The following KLF12 variants were observed in gnomAD, a reference collection of about 807,000 sequenced individuals.
KLF12 encodes KLF transcription factor 12, also known as Krueppel-like factor 12.
KLF12 carries 9 observed loss-of-function variants against 37.8 expected under a neutral mutation model. That is an observed-to-expected ratio of 0.24 (90% CI 0.14 to 0.42). The LOEUF (loss-of-function observed/expected upper bound fraction) is 0.42. Among genes scored for constraint, KLF12 ranks in the 10% least tolerant of loss-of-function variants. KLF12 has a pLI of 1.00. For missense variants in KLF12, 411 were observed against 516.0 expected (o/e 0.80, Z 1.97); for synonymous variants, 208 against 202.1 (o/e 1.03, Z -0.25).
chr13:74,191,895 G>A, the KLF12 span, among the ~76,000 whole-genome samples: 5 of 152,050 alleles, frequency 3.3e-5, no homozygotes, highest in Non-Finnish European at 2.9e-5. Context: ...AAAACAGAAT[G>A]ATTTAAATTC....
chr13:74,008,093 G>A (rs1021911055), intron 1 of KLF12, among the ~76,000 whole-genome samples: 2 of 152,148 alleles, frequency 1.3e-5, no homozygotes, highest in African/African-American at 4.8e-5. Flanking sequence ...TATCTGGGTG[G>A]TAGTTACATG....
chr13:74,277,743 ACT>A, the KLF12 span, among the ~76,000 whole-genome samples: 1 of 151,898 alleles, frequency 6.6e-6, no homozygotes, highest in Non-Finnish European at 1.5e-5. Flanking sequence ...AGGGCACAAA[ACT>A]CTCTCTCTCA....
chr13:73,735,128 TAAAAAAA>T (rs34423201), intron 6 of KLF12, among the ~76,000 whole-genome samples: 1 of 93,640 alleles, frequency 1.1e-5, no homozygotes, highest in African/African-American at 3.9e-5. Context: ...CCTCTACTAT[TAAAAAAA>T]AAAAAAAAAA....
the KLF12 span, among the ~76,000 whole-genome samples, chr13:74,283,442 A>G: frequency 2.0e-5 from 3 of 152,226 alleles, no homozygotes; most frequent in Admixed American, 6.5e-5. Context: ...GGAATAACCC[A>G]AGAGTTTCAT....
intron 5 of KLF12, among the ~76,000 whole-genome samples, chr13:73,774,473 G>C (rs1464471992): frequency 6.6e-6 from 1 of 152,096 alleles, no homozygotes; most frequent in African/African-American, 2.4e-5. Flanking sequence ...CAGAATGTCA[G>C]GGCAGATCCA....
chr13:74,107,926 C>T (rs571138654), intron 1 of KLF12, among the ~76,000 whole-genome samples: 49 of 152,234 alleles, frequency 3.2e-4, no homozygotes, highest in African/African-American at 1.0e-3. Flanking sequence ...TCTTGAGGTA[C>T]GACATTAGAC....
At chr13:74,172,899 T>C in the KLF12 span, among the ~76,000 whole-genome samples, 1 of 152,212 alleles carries the variant, frequency 6.6e-6, no homozygotes, top group East Asian at 1.9e-4. Flanking sequence ...AACATCTAAA[T>C]ATATACCCTT....
intron 1 of KLF12, among the ~76,000 whole-genome samples, chr13:74,064,373 G>T (rs1873785375): frequency 6.6e-6 from 1 of 151,134 alleles, no homozygotes; most frequent in Non-Finnish European, 1.5e-5. Context: ...CTACAGGCAT[G>T]AACAGTGTCT....
intron 6 of KLF12, among the ~76,000 whole-genome samples, chr13:73,719,270 C>T (rs567898248): frequency 1.3e-5 from 2 of 152,162 alleles, no homozygotes; most frequent in Admixed American, 1.3e-4. Flanking sequence ...GTTGGGATCC[C>T]CAGCATATAT....
chr13:74,070,223 G>C (rs1477394045), intron 1 of KLF12, among the ~76,000 whole-genome samples: 3 of 152,208 alleles, frequency 2.0e-5, no homozygotes, highest in African/African-American at 7.2e-5. Context: ...TGAGAGCCAA[G>C]AGAAGAAAAT....
chr13:74,283,229 A>G, the KLF12 span, among the ~76,000 whole-genome samples: 61 of 152,304 alleles, frequency 4.0e-4, no homozygotes, highest in Admixed American at 1.9e-3. Context: ...TTCAGACTAT[A>G]TTGTTTTAAT....
At chr13:73,715,277 G>A (rs1875711998) in intron 7 of KLF12, 91 bp downstream of exon 7, 2 of 1,084,074 alleles carry the variant, frequency 1.8e-6, no homozygotes, top group East Asian at 4.9e-5. Flanking sequence ...AGGTACACAG[G>A]ATGAATGAGT....
chr13:74,044,327 G>A (rs1032788574), intron 1 of KLF12, among the ~76,000 whole-genome samples: 20 of 151,980 alleles, frequency 1.3e-4, no homozygotes, highest in African/African-American at 1.9e-4. Flanking sequence ...AACACACCCC[G>A]CACCCAGATC....
chr13:74,180,812 C>T, the KLF12 span, among the ~76,000 whole-genome samples: 3,653 of 152,098 alleles, frequency 0.024, 150 homozygotes, highest in African/African-American at 0.081. Context: ...AATTATGCTT[C>T]CTGAGCTAAT....
chr13:73,944,467 A>T (rs1380255236), intron 2 of KLF12, among the ~76,000 whole-genome samples: 1 of 152,240 alleles, frequency 6.6e-6, no homozygotes, highest in Non-Finnish European at 1.5e-5. Flanking sequence ...CATAAAGGAG[A>T]AAATCACATA....
chr13:74,218,477 C>T, the KLF12 span, among the ~76,000 whole-genome samples: 9 of 152,284 alleles, frequency 5.9e-5, no homozygotes, highest in African/African-American at 2.2e-4. Context: ...GACATACTAA[C>T]TGCCCCCGCT....
intron 1 of KLF12, among the ~76,000 whole-genome samples, chr13:74,092,634 CAAAAAACAA>C (rs1424978441): frequency 6.8e-6 from 1 of 147,704 alleles, no homozygotes; most frequent in East Asian, 2.0e-4. Context: ...AACAAAAAAA[CAAAAAACAA>C]AAAAAAGAAA....
the KLF12 span, among the ~76,000 whole-genome samples, chr13:74,254,531 C>T: frequency 6.6e-6 from 1 of 152,188 alleles, no homozygotes; most frequent in Non-Finnish European, 1.5e-5. Context: ...GAAATCTACA[C>T]AGAAATATAG....
At chr13:74,100,852 C>A (rs1005236789) in intron 1 of KLF12, among the ~76,000 whole-genome samples, 1 of 152,022 alleles carries the variant, frequency 6.6e-6, no homozygotes, top group African/African-American at 2.4e-5. Flanking sequence ...AATCAAAGTC[C>A]GACCTTCCCT....
Sources: allele counts gnomAD v4.1 joint callset (sites outside exome capture counted in the v4.1 genomes callset), GRCh38; gene constraint gnomAD v4.1.1; transcripts MANE v1.5; gene names NCBI Gene and HGNC (gene_info 2026-07-23, HGNC 2026-07-21).